The following USH2A variants were observed in gnomAD, a reference collection of about 807,000 sequenced individuals.
USH2A encodes Usher syndrome 2A (autosomal recessive, mild).
A neutral mutation model predicts 538.9 loss-of-function variants in USH2A; 443 were observed. The observed-to-expected ratio is 0.82, with a 90% CI of 0.76 to 0.89. The LOEUF (loss-of-function observed/expected upper bound fraction) is 0.89, where lower values mean the gene tolerates loss of function less well. Among genes scored for constraint, USH2A ranks in the 40% least tolerant of loss-of-function variants. USH2A has a pLI of 0.00. For synonymous variants in USH2A, 2,413 were observed against 2,273.5 expected (o/e 1.06, Z -1.75); for missense variants, 6,633 against 6,324.8 (o/e 1.05, Z -1.65).
intron 9 of USH2A, among the ~76,000 whole-genome samples, chr1:216,292,854 G>A (rs1271765627): frequency 6.6e-6 from 1 of 152,080 alleles, no homozygotes; most frequent in Non-Finnish European, 1.5e-5. Flanking sequence ...GGTTATAAAT[G>A]TAAAGAAATA....
In USH2A at chr1:215,867,157, C is replaced by T. The variant is rs1023475922; in HGVS notation, c.8695G>A (p.Glu2899Lys). Residue 2899 changes from glutamate (E) to lysine (K), a missense_variant, in exon 44 of 72, where the codon GAA (glutamate) becomes AAA (lysine). Glu to Lys is a moderately conservative substitution (Grantham distance 56, BLOSUM62 1). Transcript: ENST00000307340. ...CTGTTGTGTACGAAGAGCATATATTCATAGGTTGTAAACCTAAAATGTTGT... is the reference window on the plus strand; with the variant it reads ...CTGTTGTGTACGAAGAGCATATATTTATAGGTTGTAAACCTAAAATGTTGT... ...DKGLSRFTTY[E>K]YMLFVHNSVG... is the part of the protein sequence containing the mutation. 8 of 1,614,058 alleles carry T rather than the reference C, an allele frequency of 5.0e-6. No homozygotes were observed. The highest frequency in any genetic ancestry group is 1.3e-5 in the African/African-American group (1 of 75,034).
At chr1:215,979,840 C>T (rs537852074) in intron 35 of USH2A, among the ~76,000 whole-genome samples, 1 of 152,120 alleles carries the variant, frequency 6.6e-6, no homozygotes, top group African/African-American at 2.4e-5. Flanking sequence ...AAGCCTACTT[C>T]CAAAGTACTA....
intron 22 of USH2A, among the ~76,000 whole-genome samples, chr1:216,093,060 G>A (rs1333244347): frequency 1.3e-5 from 2 of 152,048 alleles, no homozygotes; most frequent in Non-Finnish European, 2.9e-5. Flanking sequence ...CTGCCTCCCG[G>A]GTTCAAGCAA....
chr1:216,010,345 G>A (rs554069892), intron 32 of USH2A, among the ~76,000 whole-genome samples: 1 of 152,226 alleles, frequency 6.6e-6, no homozygotes, highest in East Asian at 1.9e-4. Flanking sequence ...CCTAAGCCAC[G>A]TCCCATCTGT....
chr1:215,879,223 G>A (rs950769002), intron 41 of USH2A, 125 bp from the exon 42 acceptor site: 3 of 792,260 alleles, frequency 3.8e-6, no homozygotes, highest in Admixed American at 3.9e-5. Flanking sequence ...ACATTCTCCT[G>A]AGGCCTTTGG....
chr1:215,858,220 T>C (rs1340002466), intron 44 of USH2A, among the ~76,000 whole-genome samples: 1 of 152,104 alleles, frequency 6.6e-6, no homozygotes, highest in East Asian at 1.9e-4. Flanking sequence ...ATGCATATTT[T>C]GTGGACCACA....
intron 38 of USH2A, among the ~76,000 whole-genome samples, chr1:215,931,361 C>G (rs1232434092): frequency 6.6e-6 from 1 of 151,892 alleles, no homozygotes; most frequent in Non-Finnish European, 1.5e-5. Flanking sequence ...GAGTATGACC[C>G]TTTCACCTCT....
At chr1:215,812,715 GTTTGTATTCTCAATTACT>G (rs201726250) in intron 49 of USH2A, among the ~76,000 whole-genome samples, 2 of 151,892 alleles carry the variant, frequency 1.3e-5, no homozygotes, top group African/African-American at 2.4e-5. Flanking sequence ...GTAGAAAAAA[GTTTGTATTCTCAATTACT>G]TTTGTATTCT....
intron 30 of USH2A, among the ~76,000 whole-genome samples, chr1:216,050,610 T>TCTTTC (rs1316864804): frequency 2.2e-5 from 2 of 91,818 alleles, no homozygotes; most frequent in Non-Finnish European, 5.1e-5. Context: ...CTTTCTTTTT[T>TCTTTC]TTTTTTTTTT....
At chr1:216,355,363 GA>G (rs2038371582) in intron 4 of USH2A, among the ~76,000 whole-genome samples, 1 of 147,680 alleles carries the variant, frequency 6.8e-6, no homozygotes, top group South Asian at 2.2e-4. Flanking sequence ...AAGAAAGAAA[GA>G]AAGAAAGAAA....
At position 216,170,970 on chromosome 1, in the gene USH2A, TTA is replaced by T. The variant is rs550794076; in HGVS notation, c.4627+4280_4627+4281del. 2.3e-3 allele frequency among the ~76,000 whole-genome samples: 350 copies of T among 152,234 alleles called. 1 individual carries two copies. The highest frequency in any genetic ancestry group is 8.0e-3 in the African/African-American group (333 of 41,546). On this transcript the variant is annotated intron_variant, in intron 21 of 71. Transcript: ENST00000307340. ...TGGGGCACTGTTTCACCATGATTGT[TTA>T]TATCATTGCCCAATTACAAGATCAC... is the stretch of plus-strand genomic sequence containing the variant.
intron 3 of USH2A, among the ~76,000 whole-genome samples, chr1:216,370,744 C>T (rs2038698213): frequency 7.3e-6 from 1 of 137,614 alleles, no homozygotes; most frequent in Non-Finnish European, 1.5e-5. Flanking sequence ...GTTTCAGAGA[C>T]AGTTTTAAAT....
At chr1:216,289,215 T>A in intron 11 of USH2A, 65 bp downstream of exon 11, 1 of 1,607,830 alleles carries the variant, frequency 6.2e-7, no homozygotes, top group Non-Finnish European at 8.5e-7. Context: ...ACTAGTGGAA[T>A]AACATCCAAA....
At chr1:216,312,056 G>C (rs1361655949) in intron 9 of USH2A, among the ~76,000 whole-genome samples, 2 of 151,748 alleles carry the variant, frequency 1.3e-5, no homozygotes, top group East Asian at 1.9e-4. Flanking sequence ...CTCTCTCTCT[G>C]AAGTTCTTCC....
chr1:216,327,785 T>G, intron 4 of USH2A, 131 bp from the exon 5 acceptor site: 2 of 1,057,014 alleles, frequency 1.9e-6, no homozygotes, highest in Non-Finnish European at 2.9e-6. Context: ...CTTTGAAACT[T>G]TTACAGATCA....
At chr1:216,084,587 T>A (rs562424955) in intron 25 of USH2A, 111 bp downstream of exon 25, 1 of 1,121,706 alleles carries the variant, frequency 8.9e-7, no homozygotes, top group African/African-American at 1.6e-5. Flanking sequence ...TAAGTATTTC[T>A]GTGATACTAG....
rs567992813 is a variant in USH2A, at chr1:215,816,948, G to T, written c.9570+49C>A. The T allele has an allele frequency of 2.1e-5, 33 of 1,580,658 alleles. No individual in the cohort carries two copies. The Middle Eastern group carries it at 6.7e-4, about 32-fold the overall frequency. ...TGAGAAGCTAATAATTTCACTTGGA[G>T]TCTTGAGTGAGAAAAACATGGTTCA... On this transcript the variant is annotated intron_variant, in intron 48 of 71. Transcript: ENST00000307340.
At chr1:216,013,116 A>G (rs1668616692) in intron 32 of USH2A, among the ~76,000 whole-genome samples, 1 of 152,132 alleles carries the variant, frequency 6.6e-6, no homozygotes, top group African/African-American at 2.4e-5. Flanking sequence ...CTCTAATCAG[A>G]TGTCCTGAGT....
chr1:215,688,397 C>T lies in USH2A; in HGVS notation c.12067-8021G>A, dbSNP rs930794261. On this transcript the variant is annotated intron_variant, in intron 61 of 71. Transcript: ENST00000307340. Reference sequence around the variant, plus strand: ...GATTCCAATTTCAGTGGAAAACTATCGAAGGCCTGTAAACAAGGGTGTGAC... The same window carrying T: ...GATTCCAATTTCAGTGGAAAACTATTGAAGGCCTGTAAACAAGGGTGTGAC... Among the ~76,000 whole-genome samples, 4 of 152,068 alleles carry T rather than the reference C, an allele frequency of 2.6e-5. No homozygotes were observed. The East Asian group carries it at 5.8e-4, about 22-fold the overall frequency.
Sources: allele counts gnomAD v4.1 joint callset (sites outside exome capture counted in the v4.1 genomes callset), GRCh38; gene constraint gnomAD v4.1.1; transcripts MANE v1.5; gene names NCBI Gene and HGNC (gene_info 2026-07-23, HGNC 2026-07-21).